Variants in DUSP15 observed in about 807,000 individuals in gnomAD.
The protein encoded by DUSP15 is dual specificity protein phosphatase 15.
A neutral mutation model predicts 26.3 loss-of-function variants in DUSP15; 23 were observed. The observed-to-expected ratio is 0.87, with a 90% CI of 0.63 to 1.24. DUSP15 has a LOEUF of 1.24. Among genes scored for constraint, DUSP15 ranks in the 50% most tolerant of loss-of-function variants. DUSP15 has a pLI of 0.00. For missense variants in DUSP15, 364 were observed against 320.6 expected, an observed-to-expected ratio of 1.14 and a Z score of -1.03; for synonymous variants, 143 against 135.5, an observed-to-expected ratio of 1.06 and a Z score of -0.39.
intron 9 of DUSP15, chr20:31,848,658 C>G: frequency 6.8e-7 from 1 of 1,466,284 alleles, no homozygotes; most frequent in Non-Finnish European, 9.1e-7. Flanking sequence ...CAGCCCCATC[C>G]CTACCCCCAT....
At position 31,867,645 on chromosome 20, in the gene DUSP15, T is replaced by G. The variant is rs1041038682; in HGVS notation, c.56-492A>C. ...ATGCCCACAATGTTTTTTTTTTTTTTTTTTTTTTTTTTTTTTTGAGACGGA... is the reference window on the plus strand; with the variant it reads ...ATGCCCACAATGTTTTTTTTTTTTTGTTTTTTTTTTTTTTTTTGAGACGGA... On this transcript the variant is annotated intron_variant, in intron 2 of 6. Transcript: ENST00000339738. Among the ~76,000 whole-genome samples the G allele has an allele frequency of 7.1e-3, 963 of 135,150 alleles. 24 individuals are homozygous for G. Among genetic ancestry groups the G allele is most frequent in the African/African-American group, 0.027 (920 of 34,598 alleles). 88.7% of individuals were successfully genotyped at this position (135,150 alleles called of 152,430 possible).
chr20:31,869,643 C>A (rs773004210), intron 1 of DUSP15, 46 bp from the exon 2 acceptor site: 3 of 1,608,456 alleles, frequency 1.9e-6, no homozygotes, highest in Non-Finnish European at 2.5e-6. Context: ...GGCTGCACCC[C>A]CTTCCACCCC....
intron 2 of DUSP15, among the ~76,000 whole-genome samples, 199 bp from the exon 3 acceptor site, chr20:31,867,352 C>G (rs1393603703): frequency 1.3e-5 from 2 of 152,234 alleles, no homozygotes; most frequent in South Asian, 2.1e-4. Flanking sequence ...CTTGCTCATT[C>G]TGTTCTTTCC....
At chr20:31,859,292 A>AT (rs201609539), downstream of DUSP15, among the ~76,000 whole-genome samples, 26 of 89,236 alleles carry the variant, frequency 2.9e-4, 1 homozygote, top group Middle Eastern at 5.7e-3. Flanking sequence ...ATGTCTATGC[A>AT]TTTTTTTGGG....
At chr20:31,848,800 A>T in intron 9 of DUSP15, 1 of 1,606,936 alleles carries the variant, frequency 6.2e-7, no homozygotes, top group Non-Finnish European at 8.5e-7. Flanking sequence ...GGAAGGAGTG[A>T]CTCACGTCCG....
intron 1 of DUSP15, 101 bp from the exon 2 acceptor site, chr20:31,869,698 G>T: frequency 6.4e-7 from 1 of 1,550,394 alleles, no homozygotes. Context: ...CCCATGAAGG[G>T]TATGGACCTC....
chr20:31,863,783 G>A (rs971022784), intron 5 of DUSP15, 124 bp downstream of exon 5: 3 of 944,310 alleles, frequency 3.2e-6, no homozygotes, highest in Non-Finnish European at 4.9e-6. Context: ...TGGGCCCTCA[G>A]GCACTGTGAC....
At chr20:31,852,004 CTTTCT>C (rs1397122456) in intron 6 of DUSP15, among the ~76,000 whole-genome samples, 19 of 128,986 alleles carry the variant, frequency 1.5e-4, no homozygotes, top group South Asian at 5.1e-4. Context: ...CCTTTTCTTT[CTTTCT>C]TTTTTTTTTT....
At chr20:31,849,938 C>T (rs2062440036) in intron 7 of DUSP15, 1 of 1,414,532 alleles carries the variant, frequency 7.1e-7, no homozygotes, top group Non-Finnish European at 9.2e-7. Flanking sequence ...CGCCTTCTTA[C>T]CCTCCCCTTC....
chr20:31,863,922 T>C lies in DUSP15; in HGVS notation c.248A>G (p.Asn83Ser), dbSNP rs148987141. 250 of 1,609,704 alleles carry C rather than the reference T, an allele frequency of 1.6e-4. No homozygotes were observed. In the African/African-American group the frequency reaches 2.9e-3, roughly 19 times the overall value. Reference protein sequence around the residue: ...FIHCCRLNGGNCLVHCFAGIS... With the variant: ...FIHCCRLNGGSCLVHCFAGIS... ...CTTAACTCACCAGTGCACAAGGCAGTTCCCCCCATTAAGGCGGCAGCAGTG... is the reference window on the plus strand; with the variant it reads ...CTTAACTCACCAGTGCACAAGGCAGCTCCCCCCATTAAGGCGGCAGCAGTG... The change falls in exon 5 of 7, where the codon AAC (asparagine) becomes AGC (serine). Residue 83 changes from asparagine to serine, a missense_variant. Coordinates refer to ENST00000339738, the MANE Select transcript of DUSP15 (RefSeq NM_080611.5).
At chr20:31,848,588 G>T in intron 9 of DUSP15, 1 of 1,547,304 alleles carries the variant, frequency 6.5e-7, no homozygotes. Context: ...GTGGGGCGAT[G>T]AGCAGACCCT....
chr20:31,869,263 C>G (rs2062852428), intron 2 of DUSP15, among the ~76,000 whole-genome samples: 1 of 152,188 alleles, frequency 6.6e-6, no homozygotes, highest in Non-Finnish European at 1.5e-5. Flanking sequence ...GTCCACAGCC[C>G]AGGCCCCGAG....
intron 2 of DUSP15, 64 bp from the exon 3 acceptor site, chr20:31,867,217 G>A (rs2062787856): frequency 6.9e-7 from 1 of 1,441,396 alleles, no homozygotes; most frequent in South Asian, 1.2e-5. Context: ...CAAGTGCGGA[G>A]GGAGCTCACT....
chr20:31,864,286 G>A (rs6087787), intron 4 of DUSP15: 185,126 of 1,139,402 alleles, frequency 0.16, 16,446 homozygotes, highest in Non-Finnish European at 0.18. Context: ...TCAGAGAAAT[G>A]GGTGGGAGGA....
chr20:31,867,128 G>A lies in DUSP15; in HGVS notation c.81C>T (p.Gly27=), dbSNP rs2062786212. 1.9e-6 allele frequency: 3 copies of A among 1,590,756 alleles called. No individual in the cohort carries two copies. Among genetic ancestry groups the A allele is most frequent in the Non-Finnish European group, 1.7e-6 (2 of 1,167,950 alleles). Residue 27 remains glycine (G), a synonymous_variant, in exon 3 of 7, where the codon GGC becomes GGT. Coordinates refer to ENST00000339738, the MANE Select transcript of DUSP15 (RefSeq NM_080611.5). ...AGATGATGTGTGTGATCTTATTTCG[G>A]CCCAGCTGATCCAGGTCTTTGGCAT... ...FIDAKDLDQL[G]RNKITHIISI... is the part of the protein sequence containing the mutation.
exon 10 of DUSP15, chr20:31,848,429 G>T (rs1166148034): frequency 6.2e-7 from 1 of 1,611,636 alleles, no homozygotes; most frequent in Admixed American, 1.7e-5. Context: ...AGAGGAAGCG[G>T]CTCGCTTAGG....
At position 31,861,079 on chromosome 20, in the gene DUSP15, C is replaced by T; in HGVS notation, c.*324G>A. ...TGGGAGGCACTCGGACAGGCAGCTT[C>T]TTCTGTGTCTCTTTAATACCCTCCA... On this transcript the variant is annotated 3_prime_UTR_variant, in exon 7 of 7. Transcript: ENST00000339738. 4 of 1,166,344 alleles carry T rather than the reference C, an allele frequency of 3.4e-6. No homozygotes were observed. The highest frequency in any genetic ancestry group is 4.2e-6 in the Non-Finnish European group (4 of 946,368). 72.2% of individuals were successfully genotyped at this position (1,166,344 alleles called of 1,614,324 possible).
chr20:31,850,856 C>T (rs1369654454), intron 6 of DUSP15, among the ~76,000 whole-genome samples: 1 of 152,128 alleles, frequency 6.6e-6, no homozygotes, highest in Non-Finnish European at 1.5e-5. Context: ...GCCTGTGGGG[C>T]CACTCCTTGT....
At chr20:31,861,738 G>GGGGCCCCC in intron 6 of DUSP15, 63 bp from the exon 7 acceptor site, 4 of 1,290,718 alleles carry the variant, frequency 3.1e-6, no homozygotes, top group African/African-American at 1.6e-5. Flanking sequence ...AAGGCAGCCG[G>GGGGCCCCC]CCCCGCCCCC....
Sources: gnomAD v4.1 joint callset for allele counts (sites outside exome capture counted in the v4.1 genomes callset) on GRCh38, gnomAD v4.1.1 for gene constraint, MANE v1.5 for transcripts, NCBI Gene and HGNC (gene_info 2026-07-23, HGNC 2026-07-21) for gene names.